The following TENT5D variants were observed in gnomAD, a reference collection of about 807,000 sequenced individuals.
The protein encoded by TENT5D is terminal nucleotidyltransferase 5D.
For synonymous variants in TENT5D, 103 were observed against 100.6 expected (o/e 1.02, Z -0.15); for missense variants, 191 against 287.0 (o/e 0.67, Z 2.42).
chrX:80,416,075 G>C (rs995447127), upstream of TENT5D, among the ~76,000 whole-genome samples: 26 of 110,257 alleles, frequency 2.4e-4, no homozygotes, highest in African/African-American at 8.2e-4. Flanking sequence ...TAGTTTGTGT[G>C]TGTAGAGGTA....
upstream of TENT5D, among the ~76,000 whole-genome samples, chrX:80,417,581 G>A (rs995730159): frequency 3.6e-5 from 4 of 110,904 alleles, no homozygotes; most frequent in Non-Finnish European, 5.7e-5. Flanking sequence ...AGTTTGACTG[G>A]CTATGAAATT....
chrX:80,397,003 G>T lies in TENT5D; in HGVS notation c.-141-41607G>T, dbSNP rs867530519. The stretch of plus-strand genomic sequence containing the variant: ...TGGGCAGAGGCGCCCCTCACCTCCC[G>T]GACGGGGCGTCTGGCCGGGGGGGGG... On this transcript the variant is annotated intron_variant, in intron 3 of 4. Transcript: ENST00000538312. Among the ~76,000 whole-genome samples, 17 of 82,884 alleles carry T rather than the reference G, an allele frequency of 2.1e-4. No individual in the cohort carries two copies. The South Asian group carries it at 2.1e-3, about 10-fold the overall frequency. 72.0% of individuals were successfully genotyped at this position (82,884 alleles called of 115,157 possible).
chrX:80,443,889 C>G (rs1932337977), exon 3 of TENT5D: 4 of 420,290 alleles, frequency 9.5e-6, no homozygotes, highest in Non-Finnish European at 1.6e-5. Flanking sequence ...ATAGTAAATA[C>G]AATATCTATA....
At chrX:80,388,029 G>GCCTGT (rs1931054366) in intron 3 of TENT5D, among the ~76,000 whole-genome samples, 1 of 111,386 alleles carries the variant, frequency 9.0e-6, no homozygotes, top group Admixed American at 9.5e-5. Flanking sequence ...GGCCCACAGG[G>GCCTGT]AATACTTCCA....
chrX:80,399,309 A>G (rs756947143), intron 3 of TENT5D, among the ~76,000 whole-genome samples: 2 of 112,263 alleles, frequency 1.8e-5, no homozygotes, highest in Non-Finnish European at 3.8e-5. Context: ...ATGAGAGTCC[A>G]ATTTAATTCT....
In TENT5D at chrX:80,341,816, A is replaced by G. The variant is rs886988752; in HGVS notation, c.-206-684A>G. 5.1e-5 allele frequency among the ~76,000 whole-genome samples: 5 copies of G among 97,980 alleles called. No individual in the cohort carries two copies. The East Asian group carries it at 1.6e-3, about 31-fold the overall frequency. The allele number at this position is 97,980 out of a possible 115,157, so 85.1% of individuals were successfully genotyped here. On this transcript the variant is annotated intron_variant, in intron 2 of 4. Transcript: ENST00000538312. ...AAGCTCCGCCTCCCGGGTTCACGCC[A>G]TTCTCCTGCCTCAGCCTCCCGAGTA...
intron 1 of TENT5D, among the ~76,000 whole-genome samples, chrX:80,431,298 G>C (rs1315002372): frequency 9.0e-6 from 1 of 111,119 alleles, no homozygotes; most frequent in Non-Finnish European, 1.9e-5. Flanking sequence ...AGGGATGTAA[G>C]AGAGAAAAAA....
At chrX:80,422,264 G>A (rs1931903081) in intron 1 of TENT5D, among the ~76,000 whole-genome samples, 1 of 110,592 alleles carries the variant, frequency 9.0e-6, no homozygotes, top group African/African-American at 3.3e-5. Flanking sequence ...CACGAGGTCA[G>A]GAGTTCAAGA....
chrX:80,360,529 A>G (rs943535558), intron 3 of TENT5D, among the ~76,000 whole-genome samples: 3 of 112,504 alleles, frequency 2.7e-5, no homozygotes, highest in African/African-American at 6.4e-5. Context: ...TTTTGCATTT[A>G]GTCTAAACTA....
chrX:80,387,368 A>G (rs887493629), intron 3 of TENT5D, among the ~76,000 whole-genome samples: 1 of 111,811 alleles, frequency 8.9e-6, no homozygotes, highest in Admixed American at 9.5e-5. Flanking sequence ...ATTTGTATCT[A>G]TCCTCCATGG....
upstream of TENT5D, among the ~76,000 whole-genome samples, chrX:80,417,323 C>G (rs1931796530): frequency 1.8e-5 from 2 of 111,070 alleles, no homozygotes; most frequent in Admixed American, 1.9e-4. Context: ...TTGATATGTG[C>G]AGATTTCATT....
chrX:80,395,842 T>G (rs1212237619), intron 3 of TENT5D, among the ~76,000 whole-genome samples: 2 of 105,423 alleles, frequency 1.9e-5, no homozygotes, highest in African/African-American at 6.9e-5. Context: ...TCTCTCCCTA[T>G]TCCTCACTTC....
At chrX:80,386,183 T>A (rs1930999149) in intron 3 of TENT5D, among the ~76,000 whole-genome samples, 1 of 112,240 alleles carries the variant, frequency 8.9e-6, no homozygotes, top group Non-Finnish European at 1.9e-5. Context: ...CAAATGTCCA[T>A]CAATGATAGA....
intron 2 of TENT5D, among the ~76,000 whole-genome samples, chrX:80,337,542 A>G (rs1272310722): frequency 9.0e-6 from 1 of 111,388 alleles, no homozygotes; most frequent in African/African-American, 3.3e-5. Context: ...TGTAACTCAT[A>G]ATGTTCCTCA....
At chrX:80,398,365 G>A (rs767175580) in intron 3 of TENT5D, among the ~76,000 whole-genome samples, 1 of 111,747 alleles carries the variant, frequency 8.9e-6, no homozygotes, top group East Asian at 2.8e-4. Flanking sequence ...TTTCTACTCT[G>A]TTATATATAA....
exon 3 of TENT5D, chrX:80,443,912 T>C (rs1440307607): frequency 1.7e-5 from 6 of 351,142 alleles, no homozygotes; most frequent in Non-Finnish European, 3.0e-5. Flanking sequence ...CCAACCACTT[T>C]AAATGTTTTT....
chrX:80,382,651 G>T (rs1468580642), intron 3 of TENT5D, among the ~76,000 whole-genome samples: 4 of 109,954 alleles, frequency 3.6e-5, no homozygotes, highest in Non-Finnish European at 5.7e-5. Flanking sequence ...GCTCCACCCA[G>T]TTCAAGCTTC....
At chrX:80,380,533 T>C (rs900498693) in intron 3 of TENT5D, among the ~76,000 whole-genome samples, 2 of 111,040 alleles carry the variant, frequency 1.8e-5, no homozygotes, top group Non-Finnish European at 3.8e-5. Flanking sequence ...TCTGTCTCAT[T>C]GATCTGTCTA....
intron 3 of TENT5D, among the ~76,000 whole-genome samples, chrX:80,411,796 T>C (rs1437826171): frequency 8.9e-6 from 1 of 112,354 alleles, no homozygotes; most frequent in Non-Finnish European, 1.9e-5. Context: ...TTTATTCCAT[T>C]ACATTTACCT....
Sources: allele counts gnomAD v4.1 joint callset (sites outside exome capture counted in the v4.1 genomes callset), GRCh38; gene constraint gnomAD v4.1.1; transcripts MANE v1.5; gene names NCBI Gene and HGNC (gene_info 2026-07-23, HGNC 2026-07-21).